The following ARIH2 variants were observed in gnomAD, a reference collection of about 807,000 sequenced individuals.
The protein encoded by ARIH2 is ariadne RBR E3 ubiquitin protein ligase 2.
Under a neutral mutation model 79.8 loss-of-function variants are expected in ARIH2, and 12 were observed. That is an observed-to-expected ratio of 0.15 (90% CI 0.10 to 0.24). The LOEUF is 0.24. Among genes scored for constraint, ARIH2 ranks in the 10% least tolerant of loss-of-function variants. The probability of loss-of-function intolerance (pLI) is 1.00; values close to 1 mark genes in which losing one functional copy is unlikely to be tolerated. For synonymous variants in ARIH2, 224 were observed against 213.9 expected (o/e 1.05, Z -0.41); for missense variants, 301 against 618.3 (o/e 0.49, Z 5.44).
chr3:48,965,725 C>T (rs905399852), intron 5 of ARIH2, among the ~76,000 whole-genome samples: 2 of 152,188 alleles, frequency 1.3e-5, no homozygotes, highest in African/African-American at 4.8e-5. Flanking sequence ...CTTTGGGGGG[C>T]CGAGGCGGGC....
chr3:48,950,951 C>CT (rs748827327), intron 3 of ARIH2, among the ~76,000 whole-genome samples: 368 of 129,212 alleles, frequency 2.8e-3, no homozygotes, highest in East Asian at 0.012. Flanking sequence ...CTTTCTTCTT[C>CT]TTTTTTTTTT....
intron 3 of ARIH2, chr3:48,934,931 G>A: frequency 5.1e-6 from 5 of 985,184 alleles, no homozygotes; most frequent in Non-Finnish European, 6.0e-6. Flanking sequence ...TGGAAGTCAT[G>A]TGTAATCAAG....
intron 3 of ARIH2, among the ~76,000 whole-genome samples, chr3:48,938,461 CA>C (rs201108004): frequency 1.4e-4 from 21 of 146,138 alleles, no homozygotes; most frequent in African/African-American, 2.5e-4. Flanking sequence ...TGATAAACCT[CA>C]AAAAAAAAAT....
At chr3:48,949,449 C>T (rs2089671349) in intron 3 of ARIH2, among the ~76,000 whole-genome samples, 2 of 152,190 alleles carry the variant, frequency 1.3e-5, no homozygotes, top group South Asian at 4.1e-4. Flanking sequence ...CAAAGTGGCT[C>T]TACTACTTTA....
Position 48,926,535 on chromosome 3 carries a change from T to G in ARIH2, c.-97-927T>G, listed in dbSNP as rs903459043. On this transcript the variant is annotated intron_variant, in intron 2 of 15. Transcript: ENST00000356401. ...CCCACCCATCTCAGCCTCTCAAAAT[T>G]CTGGGATTACAGGCGTGAGCCACCG... Among the ~76,000 whole-genome samples the G allele has an allele frequency of 2.7e-5, 4 of 149,936 alleles. No individual in the cohort carries two copies. In the East Asian group the frequency reaches 7.9e-4, roughly 30 times the overall value.
chr3:48,929,613 T>C (rs924212886), intron 3 of ARIH2, among the ~76,000 whole-genome samples: 1 of 152,200 alleles, frequency 6.6e-6, no homozygotes, highest in African/African-American at 2.4e-5. Context: ...TACTGCAGTC[T>C]TCTGACTGCT....
chr3:48,948,580 C>T (rs1463497499), intron 3 of ARIH2, among the ~76,000 whole-genome samples: 1 of 152,154 alleles, frequency 6.6e-6, no homozygotes, highest in Non-Finnish European at 1.5e-5. Flanking sequence ...TGAGCCACCG[C>T]GCCCGGCCGA....
At chr3:48,929,768 G>A (rs2086130200) in intron 3 of ARIH2, among the ~76,000 whole-genome samples, 1 of 152,098 alleles carries the variant, frequency 6.6e-6, no homozygotes, top group African/African-American at 2.4e-5. Context: ...ATAATTGCTT[G>A]GATACTTGTG....
chr3:48,961,568 G>A, intron 3 of ARIH2, 44 bp from the exon 4 acceptor site: 1 of 1,256,522 alleles, frequency 8.0e-7, no homozygotes, highest in Non-Finnish European at 1.2e-6. Flanking sequence ...CACTTTAAAA[G>A]AAAATGCAGT....
At chr3:48,945,984 G>A (rs185828197) in intron 3 of ARIH2, among the ~76,000 whole-genome samples, 5 of 152,236 alleles carry the variant, frequency 3.3e-5, no homozygotes, top group African/African-American at 1.2e-4. Context: ...TATCTTATAA[G>A]GTAGTCTCCA....
chr3:48,920,817 C>T (rs2084710379), intron 1 of ARIH2, among the ~76,000 whole-genome samples: 1 of 67,178 alleles, frequency 1.5e-5, no homozygotes, highest in African/African-American at 4.7e-5. Flanking sequence ...AAAAATTAGC[C>T]AGGCATGGTG....
chr3:48,953,716 A>G (rs1196837787), intron 3 of ARIH2, among the ~76,000 whole-genome samples: 2 of 149,566 alleles, frequency 1.3e-5, no homozygotes, highest in African/African-American at 4.9e-5. Context: ...CATTTTCTTG[A>G]AACAGTGTCT....
intron 3 of ARIH2, among the ~76,000 whole-genome samples, chr3:48,961,056 T>C (rs973522917): frequency 6.6e-6 from 1 of 152,218 alleles, no homozygotes; most frequent in African/African-American, 2.4e-5. Context: ...CCAGAAAGGC[T>C]GCCCACAAAT....
intron 3 of ARIH2, among the ~76,000 whole-genome samples, chr3:48,961,307 C>T (rs1020797438): frequency 1.3e-5 from 2 of 152,084 alleles, no homozygotes; most frequent in Non-Finnish European, 2.9e-5. Context: ...AGCCCTGTTG[C>T]TTATATTATT....
intron 3 of ARIH2, among the ~76,000 whole-genome samples, chr3:48,949,693 TTGTC>T (rs915054047): frequency 3.3e-5 from 5 of 152,206 alleles, no homozygotes; most frequent in Admixed American, 1.3e-4. Context: ...TTCAAATACT[TTGTC>T]TGTTTTTAAA....
chr3:48,928,770 C>T (rs1180966786), intron 3 of ARIH2, among the ~76,000 whole-genome samples: 1 of 151,460 alleles, frequency 6.6e-6, no homozygotes, highest in African/African-American at 2.4e-5. Flanking sequence ...AAGGCTAATA[C>T]CTTGAATTTA....
intron 3 of ARIH2, among the ~76,000 whole-genome samples, chr3:48,940,878 T>C (rs1214904480): frequency 1.4e-5 from 2 of 143,666 alleles, no homozygotes; most frequent in African/African-American, 5.2e-5. Context: ...TCAAAAAATA[T>C]ATTTGTGCAG....
At position 48,964,696 on chromosome 3, in the gene ARIH2, A is replaced by C. The variant is rs193208750; in HGVS notation, c.324-223A>C. ...GTCTTCTGATGAATTGAGGTTCTTA[A>C]ATGTAGCATGATTTATTGGGCTTTA... On this transcript the variant is annotated intron_variant, in intron 4 of 15. Coordinates refer to ENST00000356401, the MANE Select transcript of ARIH2 (RefSeq NM_006321.4). 3.2e-3 allele frequency among the ~76,000 whole-genome samples: 490 copies of C among 152,200 alleles called. 1 individual carries two copies. The highest frequency in any genetic ancestry group is 3.1e-3 in the Non-Finnish European group (210 of 68,004).
At chr3:48,948,966 A>T (rs13315711) in intron 3 of ARIH2, 290,124 of 411,122 alleles carry the variant, frequency 0.71, 105,100 homozygotes, top group East Asian at 0.96. Context: ...GTTGAGGGAC[A>T]TTGGGTTGTT....
Sources: gnomAD v4.1 joint callset for allele counts (sites outside exome capture counted in the v4.1 genomes callset) on GRCh38, gnomAD v4.1.1 for gene constraint, MANE v1.5 for transcripts, NCBI Gene and HGNC (gene_info 2026-07-23, HGNC 2026-07-21) for gene names.